Variants in OASL observed in about 807,000 individuals in gnomAD.
OASL encodes 2'-5'-oligoadenylate synthase-like protein.
OASL carries 28 observed loss-of-function variants against 35.3 expected under a neutral mutation model. The observed-to-expected ratio is 0.79, with a 90% CI of 0.59 to 1.09. OASL has a LOEUF of 1.09. Ranked by LOEUF, OASL falls within the 50% of genes least tolerant of loss-of-function variation. The probability of loss-of-function intolerance (pLI) is 0.00; values close to 1 mark genes in which losing one functional copy is unlikely to be tolerated. For synonymous variants in OASL, 252 were observed against 254.6 expected, an observed-to-expected ratio of 0.99 and a Z score of 0.10; for missense variants, 620 against 635.2, an observed-to-expected ratio of 0.98 and a Z score of 0.26.
rs765526981 is a variant in OASL at position 121,024,131 on chromosome 12, G to C, written c.906C>G (p.Ile302Met). The C allele has an allele frequency of 1.1e-5, 17 of 1,613,886 alleles. No individual in the cohort carries two copies. The East Asian group carries it at 1.1e-4, about 11-fold the overall frequency. The change falls in exon 5 of 6, where the codon ATC (isoleucine) becomes ATG (methionine). Residue 302 changes from isoleucine to methionine, a missense_variant. Coordinates refer to ENST00000257570, the Ensembl canonical transcript of OASL. ...GGGTGGGGTCGGCCGGATCCAGGAT[G>C]ATGGGCCTGTAACACAGGAAAAGGG...
downstream of OASL, among the ~76,000 whole-genome samples, chr12:121,018,387 T>G (rs1354722270): frequency 6.6e-6 from 1 of 152,048 alleles, no homozygotes; most frequent in African/African-American, 2.4e-5. Context: ...TGGCCCGCTC[T>G]CTTCCCGCTT....
intron 1 of OASL, among the ~76,000 whole-genome samples, chr12:121,038,424 C>T (rs1870039863): frequency 6.6e-6 from 1 of 152,150 alleles, no homozygotes; most frequent in Non-Finnish European, 1.5e-5. Flanking sequence ...ATGGTTCATT[C>T]ACACTAGGAT....
At chr12:121,022,149 C>T (rs1014850136) in intron 5 of OASL, among the ~76,000 whole-genome samples, 5 of 147,318 alleles carry the variant, frequency 3.4e-5, no homozygotes, top group East Asian at 2.1e-4. Flanking sequence ...TGCAGTGGCA[C>T]GATCTTGGCT....
In OASL at chr12:121,024,156, G is replaced by T; in HGVS notation, c.900-19C>A. On this transcript the variant is annotated intron_variant, in intron 4 of 5. Coordinates refer to ENST00000257570, the Ensembl canonical transcript of OASL. ...GATGGGCCTGTAACACAGGAAAAGG[G>T]TGCCCAGGCTCATAATGGTTTGAAG... is the stretch of plus-strand genomic sequence containing the variant. The T allele has an allele frequency of 6.2e-7, 1 of 1,611,806 alleles. No homozygotes were observed. The highest frequency in any genetic ancestry group is 1.1e-5 in the South Asian group (1 of 90,998).
chr12:121,030,330 G>T (rs538791876), intron 3 of OASL, among the ~76,000 whole-genome samples: 1 of 152,000 alleles, frequency 6.6e-6, no homozygotes, highest in Non-Finnish European at 1.5e-5. Context: ...TCAGCCTCCC[G>T]AGTAGCTGGG....
chr12:121,033,067 G>A (rs997167494), intron 2 of OASL, among the ~76,000 whole-genome samples: 11 of 151,916 alleles, frequency 7.2e-5, no homozygotes, highest in Non-Finnish European at 1.3e-4. Context: ...TGGGATTACA[G>A]GCGCCCACCA....
At chr12:121,027,914 T>C (rs1222978406) in intron 3 of OASL, 97 bp from the exon 4 acceptor site, 4 of 1,002,228 alleles carry the variant, frequency 4.0e-6, no homozygotes, top group Non-Finnish European at 6.0e-6. Context: ...GTTCTAGTCC[T>C]GGCTCTGCTG....
chr12:121,034,582 A>T lies in OASL; in HGVS notation c.199-839T>A, dbSNP rs144960123. Among the ~76,000 whole-genome samples, 14 of 152,254 alleles carry T rather than the reference A, an allele frequency of 9.2e-5. No homozygotes were observed. The East Asian group carries it at 2.7e-3, about 29-fold the overall frequency. On this transcript the variant is annotated intron_variant, in intron 1 of 5. Coordinates refer to ENST00000257570, the Ensembl canonical transcript of OASL. ...TGGTGGGGCTGAATAATTTCATGAC[A>T]TTATAAAGCAAGGAGCAAGTTTGCC...
intron 4 of OASL, among the ~76,000 whole-genome samples, chr12:121,025,143 A>T (rs1377413253): frequency 6.6e-6 from 1 of 151,690 alleles, no homozygotes; most frequent in African/African-American, 2.4e-5. Context: ...ACGCCCAGCT[A>T]ATTTTTGTAT....
chr12:121,030,861 TGTG>T (rs1781669514), intron 3 of OASL, among the ~76,000 whole-genome samples: 1 of 152,016 alleles, frequency 6.6e-6, no homozygotes, highest in African/African-American at 2.4e-5. Context: ...GTGGGGTGGG[TGTG>T]GTGGCTCGTG....
chr12:121,034,390 C>G (rs141196996), intron 1 of OASL, among the ~76,000 whole-genome samples: 2 of 152,114 alleles, frequency 1.3e-5, no homozygotes, highest in African/African-American at 2.4e-5. Context: ...TGGTCTCGAA[C>G]TCCTGGACTC....
chr12:121,031,107 T>C (rs541328150), intron 3 of OASL, among the ~76,000 whole-genome samples: 170 of 152,038 alleles, frequency 1.1e-3, no homozygotes, highest in Non-Finnish European at 2.0e-3. Flanking sequence ...TGAGTGGTGA[T>C]TGCACCACCG....
intron 1 of OASL, among the ~76,000 whole-genome samples, chr12:121,038,087 TAA>T (rs571751942): frequency 4.2e-5 from 6 of 141,876 alleles, no homozygotes; most frequent in African/African-American, 5.2e-5. Flanking sequence ...ACCCTGTCTC[TAA>T]AAAAAAAAAA....
chr12:121,024,191 C>T (rs1869383767), intron 4 of OASL, 54 bp from the exon 5 acceptor site: 3 of 1,573,578 alleles, frequency 1.9e-6, no homozygotes, highest in Admixed American at 1.9e-5. Context: ...GGCCTTCAAG[C>T]CAGAAAAAAA....
intron 2 of OASL, among the ~76,000 whole-genome samples, chr12:121,032,236 C>T (rs756693055): frequency 6.6e-6 from 1 of 151,970 alleles, no homozygotes; most frequent in East Asian, 1.9e-4. Flanking sequence ...AACCAGGAAC[C>T]AGTTCCATGG....
intron 3 of OASL, among the ~76,000 whole-genome samples, chr12:121,029,957 C>T (rs2135910061): frequency 6.6e-6 from 1 of 152,276 alleles, no homozygotes; most frequent in South Asian, 2.1e-4. Context: ...TACTTCACCT[C>T]CGGGGCTCAA....
At chr12:121,038,849 C>A (rs377444845) in exon 1 of OASL, 1 of 1,614,170 alleles carries the variant, frequency 6.2e-7, no homozygotes, top group South Asian at 1.1e-5. Flanking sequence ...TCAGAAACTC[C>A]TCCACGGTCC....
chr12:121,021,904 TTGTG>T (rs1405822127), intron 5 of OASL, among the ~76,000 whole-genome samples: 1 of 152,006 alleles, frequency 6.6e-6, no homozygotes, highest in Admixed American at 6.6e-5. Context: ...TTGCACAATG[TTGTG>T]TGTGTTTGTT....
At position 121,038,087 on chromosome 12, in the gene OASL, TAAA is replaced by T. The variant is rs571751942; in HGVS notation, c.198+684_198+686del. ...GGGTGACAGAGCGAGACCCTGTCTC[TAAA>T]AAAAAAAAAAGTCATTTTATTATCA... On this transcript the variant is annotated intron_variant, in intron 1 of 5. Transcript: ENST00000257570. 7.0e-5 allele frequency among the ~76,000 whole-genome samples: 10 copies of T among 141,944 alleles called. No individual in the cohort carries two copies. In the East Asian group the frequency reaches 2.1e-3, roughly 29 times the overall value. The allele number at this position is 141,944 out of a possible 152,430, so 93.1% of individuals were successfully genotyped here. A position where few individuals can be genotyped will look rare whatever the true frequency, so the allele number is the denominator to read the frequency against.
Sources: gnomAD v4.1 joint callset for allele counts (sites outside exome capture counted in the v4.1 genomes callset) on GRCh38, gnomAD v4.1.1 for gene constraint, MANE v1.5 for transcripts, NCBI Gene and HGNC (gene_info 2026-07-23, HGNC 2026-07-21) for gene names.